SRPK2: variants seen among roughly 807,000 people sequenced by gnomAD.
SRPK2 encodes SRSF protein kinase 2, also known as SFRS protein kinase 2.
SRPK2 carries 21 observed loss-of-function variants against 90.8 expected under a neutral mutation model. The ratio of observed to expected loss-of-function variants is 0.23; its 90% confidence interval spans 0.16 to 0.33. The LOEUF is 0.33. Among genes scored for constraint, SRPK2 ranks in the 10% least tolerant of loss-of-function variants. SRPK2 has a pLI of 1.00. For synonymous variants in SRPK2, 288 were observed against 311.1 expected, an observed-to-expected ratio of 0.93 and a Z score of 0.78; for missense variants, 620 against 869.0, an observed-to-expected ratio of 0.71 and a Z score of 3.60.
chr7:105,320,408 T>C (rs555697697), intron 2 of SRPK2, among the ~76,000 whole-genome samples: 15 of 152,286 alleles, frequency 9.8e-5, no homozygotes, highest in East Asian at 9.6e-4. Context: ...AGAAAACTTA[T>C]CTATAAAATT....
intron 2 of SRPK2, among the ~76,000 whole-genome samples, chr7:105,236,681 C>T (rs530524963): frequency 6.6e-5 from 10 of 152,102 alleles, no homozygotes; most frequent in Admixed American, 6.5e-4. Flanking sequence ...CCACTTATAA[C>T]AACCTGTAGT....
chr7:105,293,507 G>T (rs1045996368), intron 2 of SRPK2, among the ~76,000 whole-genome samples: 1 of 132,628 alleles, frequency 7.5e-6, no homozygotes, highest in Non-Finnish European at 1.6e-5. Flanking sequence ...CCCCCACCCC[G>T]CCCCGGGTTT....
chr7:105,265,954 C>G (rs2130301518), intron 2 of SRPK2, among the ~76,000 whole-genome samples: 1 of 151,860 alleles, frequency 6.6e-6, no homozygotes, highest in African/African-American at 2.4e-5. Flanking sequence ...AAACACAAAA[C>G]CAAAAAATAA....
intron 2 of SRPK2, among the ~76,000 whole-genome samples, chr7:105,280,961 A>T: frequency 9.3e-6 from 1 of 107,500 alleles, no homozygotes; most frequent in African/African-American, 2.9e-5. Context: ...AAAAAAAAAA[A>T]AAAAAAAAAA....
intron 2 of SRPK2, among the ~76,000 whole-genome samples, chr7:105,287,511 G>A (rs1391045759): frequency 6.6e-6 from 1 of 152,036 alleles, no homozygotes; most frequent in Non-Finnish European, 1.5e-5. Flanking sequence ...CTGAGGAGGG[G>A]AGATCACTTG....
At chr7:105,123,325 T>C (rs1584860335) in intron 15 of SRPK2, among the ~76,000 whole-genome samples, 1 of 152,184 alleles carries the variant, frequency 6.6e-6, no homozygotes, top group Non-Finnish European at 1.5e-5. Flanking sequence ...CTGCATTTGA[T>C]GTTCAACCTT....
intron 2 of SRPK2, among the ~76,000 whole-genome samples, chr7:105,322,045 A>C (rs1240791605): frequency 6.6e-6 from 1 of 152,212 alleles, no homozygotes; most frequent in East Asian, 1.9e-4. Context: ...AACAACCCAA[A>C]TGTCTACCAA....
chr7:105,319,545 GC>G (rs1202734566), intron 2 of SRPK2, among the ~76,000 whole-genome samples: 1 of 87,792 alleles, frequency 1.1e-5, no homozygotes, highest in Non-Finnish European at 2.3e-5. Flanking sequence ...GAGAATATAA[GC>G]CCCTTTAAAC....
chr7:105,178,793 A>G (rs548590633), intron 3 of SRPK2, among the ~76,000 whole-genome samples: 1 of 152,262 alleles, frequency 6.6e-6, no homozygotes. Context: ...TGGGAGACAA[A>G]GTAAGGCCCT....
At chr7:105,139,647 TCTG>T (rs1172604973) in intron 11 of SRPK2, among the ~76,000 whole-genome samples, 2 of 152,220 alleles carry the variant, frequency 1.3e-5, no homozygotes, top group Admixed American at 1.3e-4. Context: ...AAGCAGCAAT[TCTG>T]CTCCTTTACA....
chr7:105,284,242 T>G (rs1807732825), intron 2 of SRPK2, among the ~76,000 whole-genome samples: 1 of 152,194 alleles, frequency 6.6e-6, no homozygotes, highest in African/African-American at 2.4e-5. Context: ...TCATTTGGGC[T>G]TGGTTATAAA....
intron 2 of SRPK2, among the ~76,000 whole-genome samples, chr7:105,335,456 TCCAGA>T (rs1204493325): frequency 1.3e-5 from 2 of 151,680 alleles, no homozygotes; most frequent in Non-Finnish European, 2.9e-5. Flanking sequence ...GCCTAGGAGT[TCCAGA>T]CCAGCCTGGG....
Position 105,301,840 on chromosome 7 carries a change from A to G in SRPK2, c.71+86808T>C, listed in dbSNP as rs187472961. The stretch of plus-strand genomic sequence containing the variant: ...ACATTGTTTGAATATGCCAAAGACA[A>G]TAAGAGCAGTTCATGGAGAATCACA... On this transcript the variant is annotated intron_variant, in intron 2 of 15. Transcript: ENST00000393651. 2.0e-3 allele frequency: 3,173 copies of G among 1,564,772 alleles called. 11 individuals are homozygous for G. The highest frequency in any genetic ancestry group is 5.9e-3 in the Middle Eastern group (26 of 4,370).
At chr7:105,340,750 G>T (rs964662667) in intron 2 of SRPK2, among the ~76,000 whole-genome samples, 19 of 152,186 alleles carry the variant, frequency 1.2e-4, no homozygotes, top group Admixed American at 9.8e-4. Context: ...GGCCACAGCA[G>T]ATTTTCTTAA....
At chr7:105,132,713 C>T in intron 13 of SRPK2, 78 bp downstream of exon 13, 1 of 1,204,954 alleles carries the variant, frequency 8.3e-7, no homozygotes, top group Non-Finnish European at 1.2e-6. Flanking sequence ...TCGCATGCCT[C>T]AGAGAGACTC....
At chr7:105,262,911 GTA>G (rs1399883302) in intron 2 of SRPK2, among the ~76,000 whole-genome samples, 1 of 152,216 alleles carries the variant, frequency 6.6e-6, no homozygotes, top group Non-Finnish European at 1.5e-5. Context: ...GTTGGTGGAA[GTA>G]TAGAGTGGTA....
Position 105,221,659 on chromosome 7 carries a change from C to T in SRPK2, c.72-17874G>A, listed in dbSNP as rs140442077. Among the ~76,000 whole-genome samples, 413 of 152,236 alleles carry T rather than the reference C, an allele frequency of 2.7e-3. 1 individual carries two copies. The highest frequency in any genetic ancestry group is 9.2e-3 in the African/African-American group (382 of 41,548). ...TTTCTGTGGTGTCTCCCTTATATAA[C>T]CCCCTGTCCACAACAGTCCTAACCA... On this transcript the variant is annotated intron_variant, in intron 2 of 15. Coordinates refer to ENST00000393651, the MANE Select transcript of SRPK2 (RefSeq NM_182692.3).
At chr7:105,353,758 G>A (rs1450118684) in intron 2 of SRPK2, among the ~76,000 whole-genome samples, 1 of 152,106 alleles carries the variant, frequency 6.6e-6, no homozygotes, top group Non-Finnish European at 1.5e-5. Flanking sequence ...CTGATAGGAG[G>A]GGATCTCAGA....
At chr7:105,170,983 GAA>G (rs1438707417) in intron 3 of SRPK2, among the ~76,000 whole-genome samples, 5 of 116,806 alleles carry the variant, frequency 4.3e-5, no homozygotes, top group East Asian at 2.9e-4. Flanking sequence ...GAAAGAGAAA[GAA>G]AGAAAGAAAG....
Sources: allele counts gnomAD v4.1 joint callset (sites outside exome capture counted in the v4.1 genomes callset), GRCh38; gene constraint gnomAD v4.1.1; transcripts MANE v1.5; gene names NCBI Gene and HGNC (gene_info 2026-07-23, HGNC 2026-07-21).